CDH23: variants seen among roughly 807,000 people sequenced by gnomAD.
CDH23 encodes the protein cadherin-23.
A neutral mutation model predicts 317.1 loss-of-function variants in CDH23; 189 were observed. The observed-to-expected ratio is 0.60, with a 90% confidence interval of 0.53 to 0.67. The LOEUF (loss-of-function observed/expected upper bound fraction) is 0.67, where lower values mean the gene tolerates loss of function less well. CDH23 is among the 30% of genes least tolerant of loss of function. The pLI is 0.00. For missense variants in CDH23, 4,401 were observed against 4,592.4 expected, an observed-to-expected ratio of 0.96 and a Z score of 1.20; for synonymous variants, 1,839 against 1,876.8, an observed-to-expected ratio of 0.98 and a Z score of 0.52.
At chr10:71,443,912 G>T (rs753679267) in intron 2 of CDH23, among the ~76,000 whole-genome samples, 2 of 152,266 alleles carry the variant, frequency 1.3e-5, no homozygotes, top group Non-Finnish European at 2.9e-5. Flanking sequence ...CCCACGTCCC[G>T]GAGTCTGCCT....
chr10:71,662,214 T>C (rs1161082333), intron 14 of CDH23, among the ~76,000 whole-genome samples: 1 of 152,014 alleles, frequency 6.6e-6, no homozygotes, highest in African/African-American at 2.4e-5. Flanking sequence ...TGGCTTGCCA[T>C]TTAGGGAGAC....
At position 71,811,385 on chromosome 10, in the gene CDH23, G is replaced by A. The variant is rs367912333; in HGVS notation, c.9148G>A (p.Val3050Met). 37 of 1,613,788 alleles carry A rather than the reference G, an allele frequency of 2.3e-5. No homozygotes were observed. The highest frequency in any genetic ancestry group is 5.5e-5 in the South Asian group (5 of 91,086). ...NLFRNYNVLD[V>M]QPAISVRLPD... ...TTTCCGGAACTACAACGTCCTGGAC[G>A]TGCAGCCTGCCATCTCTGTCCGGCT... The change falls in exon 63 of 70, where the codon GTG becomes ATG. Residue 3050 changes from valine to methionine, a missense_variant. Val to Met is a conservative substitution (Grantham distance 21). Around this residue, in one of 3 missense-constraint regions of CDH23, gnomAD observed 1,144 missense variants for 1,138.2 expected, o/e 1.01. Coordinates refer to ENST00000224721, the MANE Select transcript of CDH23 (RefSeq NM_022124.6).
intron 3 of CDH23, among the ~76,000 whole-genome samples, chr10:71,479,713 G>C (rs140932293): frequency 6.6e-6 from 1 of 152,096 alleles, no homozygotes; most frequent in Non-Finnish European, 1.5e-5. Context: ...GCAGGGGCCC[G>C]GTGAGGATCA....
At chr10:71,623,638 C>T (rs960158740) in intron 11 of CDH23, among the ~76,000 whole-genome samples, 2 of 152,186 alleles carry the variant, frequency 1.3e-5, no homozygotes, top group African/African-American at 2.4e-5. Flanking sequence ...TCCCCACTCC[C>T]GTGACCATGC....
At chr10:71,549,485 C>T (rs549784579) in intron 6 of CDH23, among the ~76,000 whole-genome samples, 107 of 152,198 alleles carry the variant, frequency 7.0e-4, no homozygotes, top group Non-Finnish European at 1.3e-3. Flanking sequence ...GGAGACTGGG[C>T]TCTATTTTAA....
intron 3 of CDH23, among the ~76,000 whole-genome samples, chr10:71,453,170 C>T (rs553350438): frequency 4.6e-5 from 7 of 152,232 alleles, no homozygotes; most frequent in Non-Finnish European, 2.9e-5. Flanking sequence ...ATCACCTACA[C>T]GAGTAAATTA....
At chr10:71,474,155 G>A (rs1022485579) in intron 3 of CDH23, among the ~76,000 whole-genome samples, 1 of 152,170 alleles carries the variant, frequency 6.6e-6, no homozygotes, top group Non-Finnish European at 1.5e-5. Flanking sequence ...AGTACAGCCT[G>A]TTCCCACATG....
intron 3 of CDH23, among the ~76,000 whole-genome samples, chr10:71,492,876 C>T (rs78436298): frequency 4.1e-4 from 62 of 152,268 alleles, no homozygotes; most frequent in Middle Eastern, 3.4e-3. Flanking sequence ...ATTGATTCAG[C>T]GCTCCTCTTG....
At chr10:71,745,212 G>A (rs1369611283) in intron 38 of CDH23, among the ~76,000 whole-genome samples, 2 of 152,226 alleles carry the variant, frequency 1.3e-5, no homozygotes, top group African/African-American at 4.8e-5. Context: ...TGAAAACACT[G>A]GTGTGCAATG....
At position 71,614,438 on chromosome 10, in the gene CDH23, G is replaced by A. The variant is rs75244669; in HGVS notation, c.833-1066G>A. ...CCAGGTGAATTCACATGTGGGAAGG[G>A]CATATAGGCAAGGTGGGGGCCCATG... On this transcript the variant is annotated intron_variant, in intron 9 of 69. Coordinates refer to ENST00000224721, the MANE Select transcript of CDH23 (RefSeq NM_022124.6). 1.1e-4 allele frequency among the ~76,000 whole-genome samples: 17 copies of A among 152,354 alleles called. No individual in the cohort carries two copies. The East Asian group carries it at 2.3e-3, about 21-fold the overall frequency.
intron 6 of CDH23, among the ~76,000 whole-genome samples, chr10:71,524,666 AGGCC>A (rs1854923200): frequency 6.6e-6 from 1 of 152,184 alleles, no homozygotes; most frequent in East Asian, 1.9e-4. Flanking sequence ...CCTCTCTGTG[AGGCC>A]TCTGTAATCA....
chr10:71,490,102 C>T lies in CDH23; in HGVS notation c.146-19980C>T, dbSNP rs140924924. Among the ~76,000 whole-genome samples, 1,138 of 152,032 alleles carry T rather than the reference C, an allele frequency of 7.5e-3. 21 individuals are homozygous for T. Among genetic ancestry groups the T allele is most frequent in the Middle Eastern group, 0.031 (9 of 292 alleles). On this transcript the variant is annotated intron_variant, in intron 3 of 69. Coordinates refer to ENST00000224721, the MANE Select transcript of CDH23 (RefSeq NM_022124.6). ...GCCTTTTCTCCTCTTTTCTGGGCCC[C>T]GGGGACTGTAATAATGAAAACTTGG...
In CDH23 at chr10:71,751,672, G is replaced by A. The variant is rs908056977; in HGVS notation, c.4845+9751G>A. ...TGAAGGTCAGGAAACACTTACCCAG[G>A]GATGGGAAGAAGACGTCTCCGGGGC... On this transcript the variant is annotated intron_variant, in intron 38 of 69. Coordinates refer to ENST00000224721, the MANE Select transcript of CDH23 (RefSeq NM_022124.6). This position sits in a 1 kb window ranked among gnomAD's most constrained non-coding sequence, Gnocchi z 4.9. 6.5e-6 allele frequency: 10 copies of A among 1,529,616 alleles called. No individual in the cohort carries two copies. The African/African-American group carries it at 1.2e-4, about 19-fold the overall frequency. 94.8% of individuals were successfully genotyped at this position (1,529,616 alleles called of 1,614,324 possible).
chr10:71,487,735 C>G (rs1852428633), intron 3 of CDH23, among the ~76,000 whole-genome samples: 1 of 152,080 alleles, frequency 6.6e-6, no homozygotes, highest in African/African-American at 2.4e-5. Context: ...TGTTTCCACC[C>G]CCTGGTTGTA....
chr10:71,655,387 T>A (rs1863374771), intron 14 of CDH23, among the ~76,000 whole-genome samples: 1 of 152,114 alleles, frequency 6.6e-6, no homozygotes, highest in Non-Finnish European at 1.5e-5. Flanking sequence ...CGTCTTTACT[T>A]GCTACTCACC....
At chr10:71,613,021 G>C (rs1355632091) in intron 9 of CDH23, among the ~76,000 whole-genome samples, 1 of 152,110 alleles carries the variant, frequency 6.6e-6, no homozygotes, top group Non-Finnish European at 1.5e-5. Flanking sequence ...GCTGTTTTTT[G>C]TATTTTTAGT....
At chr10:71,583,281 G>A (rs1372236228) in intron 9 of CDH23, among the ~76,000 whole-genome samples, 2 of 152,226 alleles carry the variant, frequency 1.3e-5, no homozygotes, top group South Asian at 2.1e-4. Context: ...AGGCCGCAGA[G>A]GGAGGCAGGG....
chr10:71,408,152 CTCTT>C (rs770846307), intron 1 of CDH23, among the ~76,000 whole-genome samples: 7 of 152,128 alleles, frequency 4.6e-5, no homozygotes, highest in Non-Finnish European at 8.8e-5. Context: ...CTTGATGTAA[CTCTT>C]TATGCTCACT....
At chr10:71,814,881 T>C (rs1313268449) in intron 69 of CDH23, 71 bp from the exon 70 acceptor site, 11 of 1,482,906 alleles carry the variant, frequency 7.4e-6, no homozygotes, top group African/African-American at 1.4e-5. Context: ...AGCCAGTGGG[T>C]CTCTGGGGCC....
Sources: gnomAD v4.1 joint callset for allele counts (sites outside exome capture counted in the v4.1 genomes callset) on GRCh38, gnomAD v4.1.1 for gene constraint, gnomAD v4.1.1 regional missense constraint, Gnocchi (gnomAD v3.1) non-coding constraint, MANE v1.5 for transcripts, NCBI Gene and HGNC (gene_info 2026-07-23, HGNC 2026-07-21) for gene names.